Variants in AQP10 observed in about 807,000 individuals in gnomAD.
AQP10 encodes aquaporin 10.
A neutral mutation model predicts 21.0 loss-of-function variants in AQP10; 15 were observed. The ratio of observed to expected loss-of-function variants is 0.71; its 90% CI spans 0.48 to 1.10. AQP10 has a LOEUF of 1.10. AQP10 is among the 50% of genes least tolerant of loss of function. The probability of loss-of-function intolerance (pLI) is 0.00; values close to 1 mark genes in which losing one functional copy is unlikely to be tolerated. For missense variants in AQP10, 268 were observed against 379.5 expected (o/e 0.71, Z 2.44); for synonymous variants, 143 against 155.7 (o/e 0.92, Z 0.61).
chr1:154,321,488 A>G (rs1685640421), intron 1 of AQP10, among the ~76,000 whole-genome samples: 2 of 152,078 alleles, frequency 1.3e-5, no homozygotes, highest in South Asian at 2.1e-4. Flanking sequence ...AGTTCTTGAA[A>G]CATAATTTTT....
intron 2 of AQP10, 129 bp downstream of exon 2, chr1:154,322,188 T>C (rs1685660386): frequency 7.1e-7 from 1 of 1,413,650 alleles, no homozygotes; most frequent in African/African-American, 1.4e-5. Flanking sequence ...TGTCCCAGAC[T>C]GAAATAAGCC....
At position 154,323,796 on chromosome 1, in the gene AQP10, G is replaced by C. The variant is rs1375000795; in HGVS notation, c.697G>C (p.Glu233Gln). The C allele has an allele frequency of 6.2e-7, 1 of 1,614,030 alleles. No individual in the cohort carries two copies. Among genetic ancestry groups the C allele is most frequent in the East Asian group, 2.2e-5 (1 of 44,870 alleles). ...CACCTACGTGGCTGGCTGGGGTCCT[G>C]AAGTCTTCAGGTGGGAGACAGACTC... The part of the protein sequence containing the change: ...LFTYVAGWGP[E>Q]VFSAGNGWWW... The change falls in exon 5 of 6, where the codon GAA (glutamate) becomes CAA (glutamine). Residue 233 changes from glutamate to glutamine, a missense_variant. By Grantham distance (29) the Glu-to-Gln change is conservative. Transcript: ENST00000324978. The surrounding 1 kb of genome is among the most constrained non-coding windows in gnomAD (Gnocchi z 4.5).
At chr1:154,322,835 C>A in intron 2 of AQP10, 147 bp from the exon 3 acceptor site, 1 of 1,041,756 alleles carries the variant, frequency 9.6e-7, no homozygotes, top group Non-Finnish European at 1.4e-6. Flanking sequence ...ACATCTGTAA[C>A]ATCTGGAGCC....
At chr1:154,322,303 G>C (rs1253405960) in intron 2 of AQP10, among the ~76,000 whole-genome samples, 1 of 152,122 alleles carries the variant, frequency 6.6e-6, no homozygotes, top group Non-Finnish European at 1.5e-5. Context: ...ACGAAGGGCA[G>C]CTGCTATCCT....
At chr1:154,322,489 C>CTTTTTCTTCTT (rs1685667015) in intron 2 of AQP10, among the ~76,000 whole-genome samples, 1 of 117,858 alleles carries the variant, frequency 8.5e-6, no homozygotes. Flanking sequence ...GTGTCTTCTT[C>CTTTTTCTTCTT]TTTTTTTTTT....
At position 154,324,526 on chromosome 1, in the gene AQP10, G is replaced by T; in HGVS notation, c.*46G>T. On this transcript the variant is annotated 3_prime_UTR_variant, in exon 6 of 6. Coordinates refer to ENST00000324978, the MANE Select transcript of AQP10 (RefSeq NM_080429.3). ...CTCATGGACCCTGGAGCCAGCCACT[G>T]ACCCCGCCTGGGAACAACAGTCATT... 6.4e-7 allele frequency: 1 copy of T among 1,572,816 alleles called. No individual in the cohort carries two copies. The highest frequency in any genetic ancestry group is 8.7e-7 in the Non-Finnish European group (1 of 1,153,608).
chr1:154,322,489 C>CTTCTTCTTCTTTTTTTTTTTTTTTT (rs376265152), intron 2 of AQP10, among the ~76,000 whole-genome samples: 1 of 117,858 alleles, frequency 8.5e-6, no homozygotes, highest in Non-Finnish European at 1.7e-5. Context: ...GTGTCTTCTT[C>CTTCTTCTTCTTTTTTTTTTTTTTTT]TTTTTTTTTT....
Position 154,323,122 on chromosome 1 carries a change from GACAGAGGGA to G in AQP10, c.370+13_370+21del. The G allele has an allele frequency of 6.2e-7, 1 of 1,614,192 alleles. No individual in the cohort carries two copies. Among genetic ancestry groups the G allele is most frequent in the Non-Finnish European group, 8.5e-7 (1 of 1,180,046 alleles). On this transcript the variant is annotated splice_donor_5th_base_variant and intron_variant, in intron 3 of 5. Transcript: ENST00000324978. The surrounding 1 kb of genome is among the most constrained non-coding windows in gnomAD (Gnocchi z 4.5). ...AGCCACCTATGTTCTCTACCATGGTGACAGAGGGAACAGAGGGAGCTGTGCCTTGAGAGC... is the reference window on the plus strand; with the variant it reads ...AGCCACCTATGTTCTCTACCATGGTGACAGAGGGAGCTGTGCCTTGAGAGC...
chr1:154,321,439 T>C lies in AQP10; in HGVS notation c.105+179T>C, dbSNP rs139217922. ...CTCTCCTACTTCATCATTTTTATTC[T>C]TGTCATTTTTATTCTTTCTTTAATA... On this transcript the variant is annotated intron_variant, in intron 1 of 5. Coordinates refer to ENST00000324978, the MANE Select transcript of AQP10 (RefSeq NM_080429.3). Among the ~76,000 whole-genome samples the C allele has an allele frequency of 9.2e-3, 1,407 of 152,342 alleles. 23 individuals carry two copies. Among genetic ancestry groups the C allele is most frequent in the African/African-American group, 0.032 (1,345 of 41,568 alleles).
At chr1:154,321,700 G>T (rs551269526) in intron 1 of AQP10, among the ~76,000 whole-genome samples, 2 of 152,170 alleles carry the variant, frequency 1.3e-5, no homozygotes, top group Non-Finnish European at 2.9e-5. Context: ...CCATGGGTTT[G>T]TACCCTCAAA....
At chr1:154,324,206 T>C in intron 5 of AQP10, 76 bp from the exon 6 acceptor site, 1 of 1,382,294 alleles carries the variant, frequency 7.2e-7, no homozygotes, top group Non-Finnish European at 9.7e-7. Flanking sequence ...ACTCTCTTGT[T>C]ACTGCCCCCC....
In AQP10 at chr1:154,322,032, G is replaced by A; in HGVS notation, c.205G>A (p.Ala69Thr). The A allele has an allele frequency of 6.2e-7, 1 of 1,613,682 alleles. No individual in the cohort carries two copies. The highest frequency in any genetic ancestry group is 2.2e-5 in the East Asian group (1 of 44,878). ...GGCTGGCTCTCTGGCCGTTACGATA[G>A]CCATCTACGTGGGTGGTAACGTCTC... ...FLAGSLAVTI[A>T]IYVGGNVSGA... Residue 69 changes from alanine (A) to threonine (T), a missense_variant, in exon 2 of 6, where the codon GCC (alanine) becomes ACC (threonine). Physicochemically the swap from Ala to Thr is moderately conservative, Grantham distance 58 (BLOSUM62 0). Transcript: ENST00000324978.
At position 154,323,851 on chromosome 1, in the gene AQP10, C is replaced by G. The variant is rs771343304; in HGVS notation, c.707+45C>G. Reference sequence around the variant, plus strand: ...GGTGCTGGCCTCCACTCACCTTCCTCTGCTAAGGGCTCTGTCCCTGGGTCC... The same window carrying G: ...GGTGCTGGCCTCCACTCACCTTCCTGTGCTAAGGGCTCTGTCCCTGGGTCC... On this transcript the variant is annotated intron_variant, in intron 5 of 5. Coordinates refer to ENST00000324978, the MANE Select transcript of AQP10 (RefSeq NM_080429.3). The surrounding 1 kb of genome is among the most constrained non-coding windows in gnomAD (Gnocchi z 4.5). 6.3e-7 allele frequency: 1 copy of G among 1,599,652 alleles called. No homozygotes were observed. The highest frequency in any genetic ancestry group is 8.5e-7 in the Non-Finnish European group (1 of 1,172,772).
chr1:154,324,135 T>A, intron 5 of AQP10, 147 bp from the exon 6 acceptor site: 2 of 1,102,988 alleles, frequency 1.8e-6, no homozygotes, highest in Non-Finnish European at 2.5e-6. Context: ...CTAAATACTA[T>A]GCTTTGGTGA....
rs532874792 is a variant in AQP10 at position 154,321,682 on chromosome 1, G to C, written c.106-251G>C. Among the ~76,000 whole-genome samples, 7 of 152,286 alleles carry C rather than the reference G, an allele frequency of 4.6e-5. No individual in the cohort carries two copies. The South Asian group carries it at 1.2e-3, about 27-fold the overall frequency. ...ATCTTAGATAAGACTTTTTAAAGCT[G>C]AGCCCTGCCATGGGTTTGTACCCTC... On this transcript the variant is annotated intron_variant, in intron 1 of 5. Transcript: ENST00000324978.
rs747959058 is a variant in AQP10 at position 154,321,142 on chromosome 1, A to T, written c.-14A>T. 39 of 1,606,652 alleles carry T rather than the reference A, an allele frequency of 2.4e-5. No homozygotes were observed. The highest frequency in any genetic ancestry group is 3.3e-5 in the Non-Finnish European group (39 of 1,175,244). ...GACAGAGGGAGCAGTGAATAGCAATAGGGTGTTTCCACCATGGTCTTCACT... is the reference window on the plus strand; with the variant it reads ...GACAGAGGGAGCAGTGAATAGCAATTGGGTGTTTCCACCATGGTCTTCACT... On this transcript the variant is annotated 5_prime_UTR_variant, in exon 1 of 6. Coordinates refer to ENST00000324978, the MANE Select transcript of AQP10 (RefSeq NM_080429.3).
At chr1:154,324,156 C>T (rs779799647) in intron 5 of AQP10, 126 bp from the exon 6 acceptor site, 35 of 1,120,514 alleles carry the variant, frequency 3.1e-5, no homozygotes, top group Non-Finnish European at 3.9e-5. Context: ...CAAGGCAATC[C>T]TCTTCCTGGT....
chr1:154,321,875 C>A (rs567356452), intron 1 of AQP10, 58 bp from the exon 2 acceptor site: 13 of 1,606,132 alleles, frequency 8.1e-6, no homozygotes, highest in Middle Eastern at 2.2e-4. Flanking sequence ...GCCTTCCCAA[C>A]CTTTCTCCCT....
At chr1:154,324,101 C>A in intron 5 of AQP10, 181 bp from the exon 6 acceptor site, 2 of 1,184,646 alleles carry the variant, frequency 1.7e-6, no homozygotes, top group Non-Finnish European at 2.3e-6. Context: ...GAGGCTGGAC[C>A]AAGCTCTCCT....
Sources: allele counts gnomAD v4.1 joint callset (sites outside exome capture counted in the v4.1 genomes callset), GRCh38; gene constraint gnomAD v4.1.1; non-coding constraint Gnocchi (gnomAD v3.1); transcripts MANE v1.5; gene names NCBI Gene and HGNC (gene_info 2026-07-23, HGNC 2026-07-21).